PTPRG: variants seen among roughly 807,000 people sequenced by gnomAD.
PTPRG encodes protein tyrosine phosphatase receptor type G, also known as receptor-type tyrosine-protein phosphatase gamma.
A neutral mutation model predicts 165.3 loss-of-function variants in PTPRG; 102 were observed. That is an observed-to-expected ratio of 0.62 (90% confidence interval 0.53 to 0.73). The LOEUF (loss-of-function observed/expected upper bound fraction) is 0.73, where lower values mean the gene tolerates loss of function less well. Among genes scored for constraint, PTPRG ranks in the 30% least tolerant of loss-of-function variants. PTPRG has a pLI of 0.00. For synonymous variants in PTPRG, 675 were observed against 669.5 expected (o/e 1.01, Z -0.13); for missense variants, 1,866 against 1,861.4 (o/e 1.00, Z -0.05).
At chr3:62,047,932 T>C (rs17065765) in intron 4 of PTPRG, among the ~76,000 whole-genome samples, 1,582 of 152,282 alleles carry the variant, frequency 0.01, 23 homozygotes, top group African/African-American at 0.036. Context: ...CAGTCTGCAG[T>C]TAAAACAGTG....
chr3:62,189,948 C>T (rs766917125), intron 8 of PTPRG, among the ~76,000 whole-genome samples: 6 of 152,156 alleles, frequency 3.9e-5, no homozygotes, highest in Non-Finnish European at 8.8e-5. Context: ...CCCTTTACAG[C>T]TCCCACCCCC....
intron 5 of PTPRG, among the ~76,000 whole-genome samples, chr3:62,085,050 C>T (rs1701702797): frequency 6.6e-6 from 1 of 152,158 alleles, no homozygotes; most frequent in South Asian, 2.1e-4. Flanking sequence ...AGTATAAACT[C>T]TCTGAAGTTG....
intron 2 of PTPRG, among the ~76,000 whole-genome samples, chr3:61,799,382 CCTTATTT>C (rs1379053300): frequency 4.6e-5 from 7 of 152,158 alleles, no homozygotes; most frequent in Admixed American, 1.3e-4. Context: ...ATTCAGATGG[CCTTATTT>C]CTACCTAATG....
intron 1 of PTPRG, among the ~76,000 whole-genome samples, chr3:61,606,509 G>C (rs556109657): frequency 2.7e-4 from 41 of 152,336 alleles, no homozygotes; most frequent in Admixed American, 2.4e-3. Context: ...GCTATATACA[G>C]AGCTTATTTC....
At chr3:62,064,898 A>AT (rs1412735403) in intron 4 of PTPRG, among the ~76,000 whole-genome samples, 3 of 151,894 alleles carry the variant, frequency 2.0e-5, no homozygotes, top group Middle Eastern at 3.4e-3. Context: ...CGCCAAGCTA[A>AT]TTTTTTGTAT....
At chr3:62,012,436 C>T (rs998001090) in intron 4 of PTPRG, among the ~76,000 whole-genome samples, 1 of 152,150 alleles carries the variant, frequency 6.6e-6, no homozygotes, top group African/African-American at 2.4e-5. Flanking sequence ...TGTTCCTCAT[C>T]TGAAATGTCT....
chr3:62,173,963 T>G (rs1705319718), intron 8 of PTPRG, among the ~76,000 whole-genome samples: 1 of 152,178 alleles, frequency 6.6e-6, no homozygotes, highest in African/African-American at 2.4e-5. Flanking sequence ...TCTATATGGA[T>G]GTCATCCATA....
chr3:62,069,670 T>TCA (rs1451557560), intron 4 of PTPRG, among the ~76,000 whole-genome samples: 3 of 51,704 alleles, frequency 5.8e-5, no homozygotes, highest in African/African-American at 1.9e-4. Flanking sequence ...TCTCTCTCTC[T>TCA]CTCTCTCTCT....
intron 2 of PTPRG, among the ~76,000 whole-genome samples, chr3:61,789,444 C>A (rs1188920542): frequency 1.3e-5 from 2 of 152,168 alleles, no homozygotes; most frequent in African/African-American, 4.8e-5. Context: ...TTAAGACATA[C>A]TTCTTGCCCT....
At chr3:61,617,666 G>A (rs967661440) in intron 1 of PTPRG, among the ~76,000 whole-genome samples, 1 of 152,122 alleles carries the variant, frequency 6.6e-6, no homozygotes, top group Non-Finnish European at 1.5e-5. Flanking sequence ...CCAGAGGCTC[G>A]GCTCCAGCAA....
chr3:61,755,196 T>G (rs929461815), intron 2 of PTPRG, among the ~76,000 whole-genome samples: 3 of 152,136 alleles, frequency 2.0e-5, no homozygotes, highest in Non-Finnish European at 4.4e-5. Flanking sequence ...TTAGTAGAGT[T>G]GGGGTTTCGC....
At chr3:62,197,780 T>C (rs1192648256) in intron 10 of PTPRG, among the ~76,000 whole-genome samples, 1 of 152,210 alleles carries the variant, frequency 6.6e-6, no homozygotes, top group Admixed American at 6.5e-5. Context: ...GTTTGTAATA[T>C]AATGTAATTC....
chr3:62,134,519 T>G (rs1703634926), intron 6 of PTPRG, among the ~76,000 whole-genome samples: 1 of 152,192 alleles, frequency 6.6e-6, no homozygotes. Flanking sequence ...CAAGGGTGTC[T>G]CCTTCTTATG....
At position 61,582,047 on chromosome 3, in the gene PTPRG, A is replaced by C. The variant is rs369961003; in HGVS notation, c.85+19675A>C. Among the ~76,000 whole-genome samples the C allele has an allele frequency of 3.9e-5, 6 of 152,050 alleles. No homozygotes were observed. In the South Asian group the frequency reaches 6.3e-4, roughly 16 times the overall value. On this transcript the variant is annotated intron_variant, in intron 1 of 29. Transcript: ENST00000474889. ...CAGTGGCGTGATCTCCCCTCATTGC[A>C]ACCTCCCCCTACTGGGCTCAAGCCA...
chr3:61,661,297 CTTACTATTTTTATAAAA>C (rs1467923439), intron 1 of PTPRG, among the ~76,000 whole-genome samples: 2 of 142,294 alleles, frequency 1.4e-5, no homozygotes, highest in Non-Finnish European at 3.0e-5. Context: ...ACTCTGTCAT[CTTACTATTTTTATAAAA>C]GTTTCCTTTT....
intron 26 of PTPRG, among the ~76,000 whole-genome samples, chr3:62,278,259 G>T (rs1002559494): frequency 6.6e-6 from 1 of 151,740 alleles, no homozygotes; most frequent in Non-Finnish European, 1.5e-5. Context: ...CCAAAATATT[G>T]TATCAAAAGT....
intron 1 of PTPRG, among the ~76,000 whole-genome samples, chr3:61,634,459 C>T (rs192822817): frequency 5.8e-4 from 88 of 152,076 alleles, no homozygotes; most frequent in African/African-American, 1.9e-3. Flanking sequence ...AGGCTGGTCT[C>T]GAACTCCTGA....
intron 2 of PTPRG, among the ~76,000 whole-genome samples, chr3:61,916,694 T>C (rs1354284943): frequency 1.3e-5 from 2 of 152,226 alleles, no homozygotes; most frequent in Admixed American, 6.5e-5. Context: ...TCATACATGT[T>C]CAAAATCTAT....
At position 62,245,626 on chromosome 3, in the gene PTPRG, T is replaced by C. The variant is rs1367148476; in HGVS notation, c.2467+1728T>C. ...TCTGAACCTTAGTTTCCAGAATCTG[T>C]AAATTAATTAGGATGCCTATTCTCC... On this transcript the variant is annotated intron_variant, in intron 15 of 29. Coordinates refer to ENST00000474889, the MANE Select transcript of PTPRG (RefSeq NM_002841.4). This position sits in a 1 kb window ranked among gnomAD's most constrained non-coding sequence, Gnocchi z 4.2. Among the ~76,000 whole-genome samples the C allele has an allele frequency of 1.3e-5, 2 of 152,116 alleles. No individual in the cohort carries two copies. The highest frequency in any genetic ancestry group is 2.9e-5 in the Non-Finnish European group (2 of 68,004).
Sources: gnomAD v4.1 joint callset for allele counts (sites outside exome capture counted in the v4.1 genomes callset) on GRCh38, gnomAD v4.1.1 for gene constraint, Gnocchi (gnomAD v3.1) non-coding constraint, MANE v1.5 for transcripts, NCBI Gene and HGNC (gene_info 2026-07-23, HGNC 2026-07-21) for gene names.